PABIR3: variants seen among roughly 807,000 people sequenced by gnomAD.
PABIR3 encodes the protein PABIR family member 3, also known as PABIR family member 1.
Under a neutral mutation model 23.1 loss-of-function variants are expected in PABIR3, and 20 were observed. The ratio of observed to expected loss-of-function variants is 0.86; its 90% CI spans 0.61 to 1.26. The LOEUF is 1.26. PABIR3 is among the 50% of genes most tolerant of loss of function. The probability of loss-of-function intolerance (pLI) is 0.00; values close to 1 mark genes in which losing one functional copy is unlikely to be tolerated. For missense variants in PABIR3, 189 were observed against 195.4 expected, an observed-to-expected ratio of 0.97 and a Z score of 0.20; for synonymous variants, 69 against 68.5, an observed-to-expected ratio of 1.01 and a Z score of -0.04.
chrX:134,841,719 CTCGGGAG>C (rs1191434941), intron 4 of PABIR3, among the ~76,000 whole-genome samples: 3 of 110,165 alleles, frequency 2.7e-5, no homozygotes, highest in Non-Finnish European at 5.7e-5. Flanking sequence ...ATTCCAGCTA[CTCGGGAG>C]TCTGAGGCAG....
chrX:134,837,074 G>A (rs1328603831), intron 4 of PABIR3, among the ~76,000 whole-genome samples: 1 of 110,733 alleles, frequency 9.0e-6, no homozygotes, highest in Non-Finnish European at 1.9e-5. Context: ...GGCCGGGCAC[G>A]GTGGCTCACG....
chrX:134,823,596 T>C (rs1306316403), intron 3 of PABIR3, among the ~76,000 whole-genome samples: 2 of 111,904 alleles, frequency 1.8e-5, no homozygotes, highest in Non-Finnish European at 3.8e-5. Flanking sequence ...TATACATATA[T>C]ATGCATATAC....
At chrX:134,798,341 G>A (rs1362708280) in intron 1 of PABIR3, among the ~76,000 whole-genome samples, 1 of 112,158 alleles carries the variant, frequency 8.9e-6, no homozygotes, top group Non-Finnish European at 1.9e-5. Flanking sequence ...CACTGCAGAG[G>A]AGCTGTCTGC....
intron 2 of PABIR3, among the ~76,000 whole-genome samples, chrX:134,808,439 G>A (rs981719346): frequency 1.8e-5 from 2 of 111,308 alleles, no homozygotes; most frequent in African/African-American, 6.5e-5. Flanking sequence ...GGAGTGCAGT[G>A]GCGTGATCTC....
intron 6 of PABIR3, among the ~76,000 whole-genome samples, chrX:134,845,987 C>T (rs983592434): frequency 1.8e-5 from 2 of 111,635 alleles, no homozygotes; most frequent in Admixed American, 1.9e-4. Flanking sequence ...TGTGTTAGTC[C>T]GTTCTCACAT....
At chrX:134,807,736 G>A (rs143181255) in intron 2 of PABIR3, 28 bp downstream of exon 2, 11,489 of 1,138,466 alleles carry the variant, frequency 0.01, 50 homozygotes, top group Non-Finnish European at 0.012. Flanking sequence ...ACTGGAGGAG[G>A]CAAGCGGTGG....
At chrX:134,805,695 C>A (rs1374212977), upstream of PABIR3, among the ~76,000 whole-genome samples, 5 of 110,825 alleles carry the variant, frequency 4.5e-5, no homozygotes, top group Non-Finnish European at 7.6e-5. Flanking sequence ...GTCGGGAGTT[C>A]GAGACCAGCC....
chrX:134,858,849 C>T (rs1205850666), downstream of PABIR3, among the ~76,000 whole-genome samples: 3 of 111,565 alleles, frequency 2.7e-5, no homozygotes, highest in Non-Finnish European at 5.6e-5. Flanking sequence ...ATAGGAATCC[C>T]GGAAACTTGC....
At chrX:134,811,682 C>G (rs2080678787) in intron 2 of PABIR3, among the ~76,000 whole-genome samples, 1 of 111,838 alleles carries the variant, frequency 8.9e-6, no homozygotes, top group South Asian at 3.7e-4. Flanking sequence ...ATCCACCCAC[C>G]TTGGCCTCCC....
intron 4 of PABIR3, among the ~76,000 whole-genome samples, chrX:134,829,783 T>C (rs939082934): frequency 2.0e-4 from 22 of 111,261 alleles, no homozygotes; most frequent in African/African-American, 7.2e-4. Context: ...GTTGGGAGGG[T>C]GTATGTGGGT....
At chrX:134,825,224 G>T (rs2081454106) in intron 3 of PABIR3, among the ~76,000 whole-genome samples, 1 of 112,483 alleles carries the variant, frequency 8.9e-6, no homozygotes, top group African/African-American at 3.2e-5. Context: ...ACAGGGGACA[G>T]ATAGCCTAGT....
intron 2 of PABIR3, chrX:134,808,118 T>A: frequency 3.4e-6 from 1 of 298,057 alleles, no homozygotes; most frequent in Non-Finnish European, 5.9e-6. Context: ...CTTTGTCACC[T>A]CTGACCTTCA....
chrX:134,807,577 G>T lies in PABIR3; in HGVS notation c.-22G>T. The T allele has an allele frequency of 8.3e-7, 1 of 1,210,352 alleles. No homozygotes were observed. On this transcript the variant is annotated 5_prime_UTR_variant, in exon 2 of 11. Coordinates refer to ENST00000645433, the MANE Select transcript of PABIR3 (RefSeq NM_001388447.1). ...GTGGACGGGAGCCGGAAAGCCTTGA[G>T]AACTTATTCCTCGACCCGGACATGG...
At chrX:134,826,113 GTAGA>G (rs1450858432) in intron 3 of PABIR3, among the ~76,000 whole-genome samples, 1 of 111,047 alleles carries the variant, frequency 9.0e-6, no homozygotes, top group Non-Finnish European at 1.9e-5. Context: ...GTATAACAGA[GTAGA>G]TCATTTTCCC....
In PABIR3 at chrX:134,814,786, G is replaced by C; in HGVS notation, c.126G>C (p.Val42=). 4 of 1,193,377 alleles carry C rather than the reference G, an allele frequency of 3.4e-6. No individual in the cohort carries two copies. The highest frequency in any genetic ancestry group is 4.5e-6 in the Non-Finnish European group (4 of 885,624). The part of the protein sequence containing the change: ...LINGLGFNSQ[V]LQADMLRIRT... ...TTCTTTTTAGTTTTAATTCACAGGTGTTGCAAGCTGACATGTTAAGAATTA... is the reference window on the plus strand; with the variant it reads ...TTCTTTTTAGTTTTAATTCACAGGTCTTGCAAGCTGACATGTTAAGAATTA... The change falls in exon 3 of 11, where the codon GTG becomes GTC. Residue 42 remains valine, a synonymous_variant. Coordinates refer to ENST00000645433, the MANE Select transcript of PABIR3 (RefSeq NM_001388447.1).
At chrX:134,853,475 G>T (rs2082704724) in intron 10 of PABIR3, among the ~76,000 whole-genome samples, 1 of 111,628 alleles carries the variant, frequency 9.0e-6, no homozygotes, top group South Asian at 3.7e-4. Context: ...ACATAAAAAT[G>T]CATCCTTGGA....
intron 3 of PABIR3, among the ~76,000 whole-genome samples, chrX:134,824,863 G>A (rs2081439085): frequency 2.7e-5 from 3 of 112,155 alleles, no homozygotes; most frequent in South Asian, 7.3e-4. Context: ...GAGCATAGGG[G>A]AATTTTAGGA....
At chrX:134,852,954 T>A (rs2082688593) in intron 10 of PABIR3, 58 bp downstream of exon 10, 1 of 800,444 alleles carries the variant, frequency 1.2e-6, no homozygotes, top group East Asian at 3.9e-5. Flanking sequence ...CGTTGTTAAG[T>A]CTACTTTGGC....
intron 3 of PABIR3, chrX:134,821,900 A>ACCTAGG (rs1188973956): frequency 1.3e-6 from 1 of 758,930 alleles, no homozygotes; most frequent in East Asian, 1.4e-4. Context: ...AAATGGCTTA[A>ACCTAGG]AAACAGCAAA....
Sources: allele counts gnomAD v4.1 joint callset (sites outside exome capture counted in the v4.1 genomes callset), GRCh38; gene constraint gnomAD v4.1.1; transcripts MANE v1.5; gene names NCBI Gene and HGNC (gene_info 2026-07-23, HGNC 2026-07-21).